Variants in GLDC observed in about 807,000 individuals in gnomAD.
The protein encoded by GLDC is glycine decarboxylase, also known as glycine dehydrogenase (decarboxylating), mitochondrial.
In GLDC, 104 loss-of-function variants were observed where a neutral mutation model predicts 121.3. The ratio of observed to expected loss-of-function variants is 0.86; its 90% CI spans 0.73 to 1.01. GLDC has a LOEUF of 1.01. Among genes scored for constraint, GLDC ranks in the 50% least tolerant of loss-of-function variants. The probability of loss-of-function intolerance (pLI) is 0.00; values close to 1 mark genes in which losing one functional copy is unlikely to be tolerated. For synonymous variants in GLDC, 546 were observed against 480.6 expected, an observed-to-expected ratio of 1.14 and a Z score of -1.78; for missense variants, 1,429 against 1,306.6, an observed-to-expected ratio of 1.09 and a Z score of -1.44.
At chr9:6,615,999 T>C (rs1818960823) in intron 3 of GLDC, among the ~76,000 whole-genome samples, 1 of 152,200 alleles carries the variant, frequency 6.6e-6, no homozygotes, top group African/African-American at 2.4e-5. Flanking sequence ...ACCTGTGCGA[T>C]GATTGGGCAC....
intron 11 of GLDC, among the ~76,000 whole-genome samples, 180 bp from the exon 12 acceptor site, chr9:6,589,472 C>T (rs1023627907): frequency 6.6e-6 from 1 of 151,810 alleles, no homozygotes; most frequent in Non-Finnish European, 1.5e-5. Context: ...TCTCTAGCAC[C>T]CAGGCTAGAG....
chr9:6,568,051 A>G (rs1817885341), intron 15 of GLDC, among the ~76,000 whole-genome samples: 1 of 152,236 alleles, frequency 6.6e-6, no homozygotes, highest in Non-Finnish European at 1.5e-5. Flanking sequence ...TGTTTTTCTC[A>G]TGAATTCTAT....
rs1563870133 is a variant in GLDC, at chr9:6,629,931, A to ATATATATATGTGTG, written c.335-9613_335-9612insCACACATATATATA. Among the ~76,000 whole-genome samples the ATATATATATGTGTG allele has an allele frequency of 2.5e-4, 21 of 82,456 alleles. 1 individual carries two copies. Among genetic ancestry groups the ATATATATATGTGTG allele is most frequent in the African/African-American group, 1.9e-3 (21 of 11,264 alleles). The allele number at this position is 82,456 out of a possible 152,430, so 54.1% of individuals were successfully genotyped here. A position where few individuals can be genotyped will look rare whatever the true frequency, so the allele number is the denominator to read the frequency against. The stretch of plus-strand genomic sequence containing the variant: ...GTGGGAGGGAGGCTTGCTTTTCACT[A>ATATATATATGTGTG]TATATATATATATGTATATATATAT... On this transcript the variant is annotated intron_variant, in intron 2 of 24. Coordinates refer to ENST00000321612, the MANE Select transcript of GLDC (RefSeq NM_000170.3).
intron 5 of GLDC, 104 bp from the exon 6 acceptor site, chr9:6,605,382 C>G (rs544779441): frequency 3.1e-5 from 37 of 1,202,866 alleles, no homozygotes; most frequent in Middle Eastern, 2.1e-4. Context: ...TGTGCCCTCC[C>G]ACAGTGGCCT....
intron 2 of GLDC, among the ~76,000 whole-genome samples, chr9:6,636,640 G>A (rs892939762): frequency 6.6e-6 from 1 of 152,056 alleles, no homozygotes; most frequent in Non-Finnish European, 1.5e-5. Flanking sequence ...GCCGGGCATG[G>A]TGGCATGCGC....
At chr9:6,611,363 C>T (rs940914264) in intron 3 of GLDC, among the ~76,000 whole-genome samples, 11 of 152,166 alleles carry the variant, frequency 7.2e-5, no homozygotes, top group African/African-American at 2.2e-4. Context: ...CGAGACCATC[C>T]TGGCTAACAT....
intron 2 of GLDC, among the ~76,000 whole-genome samples, chr9:6,638,205 T>C (rs185143944): frequency 6.6e-6 from 1 of 151,976 alleles, no homozygotes; most frequent in East Asian, 1.9e-4. Context: ...GAGTTTTTGT[T>C]TGTTTGTTTG....
intron 2 of GLDC, among the ~76,000 whole-genome samples, chr9:6,638,640 T>C (rs1819561482): frequency 6.8e-6 from 1 of 146,494 alleles, no homozygotes; most frequent in Non-Finnish European, 1.5e-5. Context: ...CCTAGAACTT[T>C]TTAACTGTCT....
chr9:6,561,217 A>C (rs561833037), intron 16 of GLDC, among the ~76,000 whole-genome samples: 2 of 152,356 alleles, frequency 1.3e-5, no homozygotes, highest in South Asian at 4.1e-4. Context: ...ATCCTGGTAC[A>C]AGGAGCGATG....
chr9:6,582,294 A>G (rs536822798), intron 15 of GLDC, among the ~76,000 whole-genome samples: 106 of 143,982 alleles, frequency 7.4e-4, no homozygotes, highest in African/African-American at 2.7e-3. Flanking sequence ...CGAGGTGGGC[A>G]GATCACCTGA....
At chr9:6,630,516 A>G (rs1230116738) in intron 2 of GLDC, among the ~76,000 whole-genome samples, 1 of 152,150 alleles carries the variant, frequency 6.6e-6, no homozygotes, top group Non-Finnish European at 1.5e-5. Flanking sequence ...CAAGGAAATC[A>G]TCAGGACTGA....
chr9:6,606,458 G>C, intron 5 of GLDC, 134 bp downstream of exon 5: 1 of 722,620 alleles, frequency 1.4e-6, no homozygotes, highest in South Asian at 1.5e-5. Context: ...GCAAAACTCA[G>C]CAACCCCAAT....
At chr9:6,621,155 G>C (rs753960951) in intron 2 of GLDC, among the ~76,000 whole-genome samples, 6 of 152,176 alleles carry the variant, frequency 3.9e-5, no homozygotes, top group Non-Finnish European at 5.9e-5. Context: ...GAGTGACAGA[G>C]TGAGACCCCC....
chr9:6,533,617 G>T (rs1817047040), intron 24 of GLDC, among the ~76,000 whole-genome samples: 1 of 151,918 alleles, frequency 6.6e-6, no homozygotes, highest in African/African-American at 2.4e-5. Flanking sequence ...CCAGAACTTT[G>T]GGAGGCCAAG....
At chr9:6,626,295 G>C (rs1819235546) in intron 2 of GLDC, among the ~76,000 whole-genome samples, 1 of 152,198 alleles carries the variant, frequency 6.6e-6, no homozygotes, top group South Asian at 2.1e-4. Flanking sequence ...TCCCAGGAAG[G>C]GGGTGGGGCA....
intron 13 of GLDC, 67 bp from the exon 14 acceptor site, chr9:6,588,509 T>C (rs1818313900): frequency 1.0e-5 from 15 of 1,472,382 alleles, no homozygotes; most frequent in Non-Finnish European, 1.4e-5. Flanking sequence ...CAACCCTCCA[T>C]TCTCCCAGCA....
intron 2 of GLDC, among the ~76,000 whole-genome samples, chr9:6,637,608 A>C (rs1819531891): frequency 6.6e-6 from 1 of 151,978 alleles, no homozygotes; most frequent in African/African-American, 2.4e-5. Context: ...CTGGGACAAC[A>C]GGCATGCACC....
chr9:6,632,264 T>C (rs549634300), intron 2 of GLDC, among the ~76,000 whole-genome samples: 48 of 152,326 alleles, frequency 3.2e-4, no homozygotes, highest in African/African-American at 1.2e-3. Context: ...TAAATTGTTC[T>C]CACATTTGGT....
Position 6,553,307 on chromosome 9 carries a change from T to A in GLDC, c.2457+61A>T. On this transcript the variant is annotated intron_variant, in intron 20 of 24. Coordinates refer to ENST00000321612, the MANE Select transcript of GLDC (RefSeq NM_000170.3). The stretch of plus-strand genomic sequence containing the variant: ...AAGCCAAGAAGTCTGCAGTATCCGG[T>A]CCCCATGCATGCCTGACGCCCCCAC... 3 of 1,452,574 alleles carry A rather than the reference T, an allele frequency of 2.1e-6. No homozygotes were observed. The Admixed American group carries it at 5.0e-5, about 24-fold the overall frequency. The allele number at this position is 1,452,574 out of a possible 1,614,324, so 90.0% of individuals were successfully genotyped here.
Sources: allele counts gnomAD v4.1 joint callset (sites outside exome capture counted in the v4.1 genomes callset), GRCh38; gene constraint gnomAD v4.1.1; transcripts MANE v1.5; gene names NCBI Gene and HGNC (gene_info 2026-07-23, HGNC 2026-07-21).